The following BRPF1 variants were observed in gnomAD, a reference collection of about 807,000 sequenced individuals.
BRPF1 encodes the protein bromodomain and PHD finger containing 1.
BRPF1 carries 15 observed loss-of-function variants against 115.0 expected under a neutral mutation model. The ratio of observed to expected loss-of-function variants is 0.13; its 90% confidence interval spans 0.09 to 0.20. The LOEUF (loss-of-function observed/expected upper bound fraction) is 0.20. Ranked by LOEUF, BRPF1 falls within the 10% of genes least tolerant of loss-of-function variation. BRPF1 has a pLI of 1.00. For missense variants in BRPF1, 1,118 were observed against 1,638.3 expected (o/e 0.68, Z 5.48); for synonymous variants, 647 against 619.8 (o/e 1.04, Z -0.65).
chr3:9,746,404 A>G lies in BRPF1; in HGVS notation c.3429A>G (p.Glu1143=), dbSNP rs200135050. 3 of 1,608,994 alleles carry G rather than the reference A, an allele frequency of 1.9e-6. No individual in the cohort carries two copies. The highest frequency in any genetic ancestry group is 4.5e-5 in the East Asian group (2 of 44,640). The part of the protein sequence containing the change: ...VLKLGEQMTQ[E]AREHLYLVLF... ...AACTTGGGGAGCAGATGACCCAGGA[A>G]GCCCGAGAGCATCTCTACCTCGTCC... The change falls in exon 13 of 14, where the codon GAA becomes GAG. Residue 1143 remains glutamate (E), a synonymous_variant. Transcript: ENST00000383829.
chr3:9,742,061 A>G lies in BRPF1; in HGVS notation c.1891A>G (p.Thr631Ala). 6.2e-7 allele frequency: 1 copy of G among 1,613,828 alleles called. No individual in the cohort carries two copies. The highest frequency in any genetic ancestry group is 8.5e-7 in the Non-Finnish European group (1 of 1,179,968). ...GCAGATTGCCATGGAGATGCAGCTG[A>G]CTCCTTTCCTCATCCTCCTTCGCAA... The part of the protein sequence containing the change: ...VQQIAMEMQL[T>A]PFLILLRKTL... The change falls in exon 6 of 14, where the codon ACT becomes GCT. Residue 631 changes from threonine (T) to alanine (A), a missense_variant. Coordinates refer to ENST00000383829, the MANE Select transcript of BRPF1 (RefSeq NM_001003694.2).
chr3:9,735,467 C>A (rs1167450847), intron 2 of BRPF1, among the ~76,000 whole-genome samples: 1 of 152,182 alleles, frequency 6.6e-6, no homozygotes, highest in Non-Finnish European at 1.5e-5. Context: ...TTGGGAAATG[C>A]ATCCAAATTA....
chr3:9,742,009 C>T lies in BRPF1; in HGVS notation c.1855-16C>T. Reference sequence around the variant, plus strand: ...ACTGGCCGAGGCCTGGCTGATCAGGCCTTTTTCTATGTTAGATCAAGGTTC... The same window carrying T: ...ACTGGCCGAGGCCTGGCTGATCAGGTCTTTTTCTATGTTAGATCAAGGTTC... On this transcript the variant is annotated splice_polypyrimidine_tract_variant and intron_variant, in intron 5 of 13. Coordinates refer to ENST00000383829, the MANE Select transcript of BRPF1 (RefSeq NM_001003694.2). 6.2e-7 allele frequency: 1 copy of T among 1,613,892 alleles called. No individual in the cohort carries two copies.
chr3:9,743,250 G>A lies in BRPF1; in HGVS notation c.2308G>A (p.Asp770Asn), dbSNP rs769764853. 4 of 1,611,412 alleles carry A rather than the reference G, an allele frequency of 2.5e-6. No homozygotes were observed. The highest frequency in any genetic ancestry group is 1.7e-4 in the Middle Eastern group (1 of 5,742). The change falls in exon 7 of 14, where the codon GAT becomes AAT. Residue 770 changes from aspartate to asparagine, a missense_variant. By Grantham distance (23) the Asp-to-Asn change is conservative. Around this residue, in one of 10 missense-constraint regions of BRPF1, gnomAD observed 223 missense variants for 240.7 expected, o/e 0.93. Transcript: ENST00000383829. The surrounding 1 kb of genome is among the most constrained non-coding windows in gnomAD (Gnocchi z 6.1). The stretch of plus-strand genomic sequence containing the variant: ...AGATGAGGCCACACACCACACTGAA[G>A]ATGGTGGGTGATATATCACACACAC... ...AGDEATHHTE[D>N]AAEEERLVLL... is the part of the protein sequence containing the mutation.
chr3:9,734,573 A>T lies in BRPF1; in HGVS notation c.433A>T (p.Thr145Ser). 6.2e-7 allele frequency: 1 copy of T among 1,614,090 alleles called. No homozygotes were observed. Among genetic ancestry groups the T allele is most frequent in the Non-Finnish European group, 8.5e-7 (1 of 1,180,020 alleles). Residue 145 changes from threonine (T) to serine (S), a missense_variant, in exon 2 of 14, where the codon ACT (threonine) becomes TCT (serine). Transcript: ENST00000383829. This position sits in a 1 kb window ranked among gnomAD's most constrained non-coding sequence, Gnocchi z 5.7. ...NKENTETPAA[T>S]PKSGKHKNKE... The stretch of plus-strand genomic sequence containing the variant: ...GGAGAACACTGAGACACCAGCTGCT[A>T]CTCCCAAGTCAGGCAAACATAAGAA...
intron 2 of BRPF1, among the ~76,000 whole-genome samples, chr3:9,736,986 CGTGTGTCAT>C (rs1481612783): frequency 3.3e-5 from 5 of 152,238 alleles, no homozygotes; most frequent in Middle Eastern, 3.4e-3. Flanking sequence ...CATAATGTCA[CGTGTGTCAT>C]GGCAGAGAAA....
In BRPF1 at chr3:9,731,996, G is replaced by C. The variant is rs1393022666; in HGVS notation, c.-153G>C. On this transcript the variant is annotated 5_prime_UTR_variant, in exon 1 of 14. Transcript: ENST00000383829. ...GGGAGCCGGGACCAAAGCGTGGGGC[G>C]GCAGGGGGCCGGGGTGGCGAGGTCT... The C allele has an allele frequency of 6.6e-6, 1 of 152,454 alleles. No individual in the cohort carries two copies. The highest frequency in any genetic ancestry group is 2.1e-4 in the South Asian group (1 of 4,842). 9.4% of individuals were successfully genotyped at this position (152,454 alleles called of 1,614,324 possible).
intron 6 of BRPF1, among the ~76,000 whole-genome samples, chr3:9,742,697 C>CT (rs1239065891): frequency 6.6e-6 from 1 of 152,156 alleles, no homozygotes; most frequent in African/African-American, 2.4e-5. Flanking sequence ...TTTGGCTCTA[C>CT]TTTCATCATT....
chr3:9,745,260 T>A lies in BRPF1; in HGVS notation c.3068+105T>A. On this transcript the variant is annotated intron_variant, in intron 10 of 13. Transcript: ENST00000383829. The surrounding 1 kb of genome is among the most constrained non-coding windows in gnomAD (Gnocchi z 5.1). ...AAGTGGGGTGGCAGCCATCTCAGTCTAGATTAAGATGGCTCAAACTCAAGG... is the reference window on the plus strand; with the variant it reads ...AAGTGGGGTGGCAGCCATCTCAGTCAAGATTAAGATGGCTCAAACTCAAGG... The A allele has an allele frequency of 7.4e-7, 1 of 1,353,034 alleles. No individual in the cohort carries two copies. The allele number at this position is 1,353,034 out of a possible 1,614,324, so 83.8% of individuals were successfully genotyped here.
chr3:9,733,057 CT>C (rs2076881999), intron 1 of BRPF1: 1 of 152,230 alleles, frequency 6.6e-6, no homozygotes, highest in Non-Finnish European at 1.5e-5. Flanking sequence ...TGTTTGTACC[CT>C]TAGGGCCTGG....
intron 2 of BRPF1, among the ~76,000 whole-genome samples, chr3:9,735,526 G>A (rs923927766): frequency 6.6e-6 from 1 of 152,182 alleles, no homozygotes; most frequent in Non-Finnish European, 1.5e-5. Flanking sequence ...GTATTTCTCT[G>A]TCTCCCAAAA....
intron 3 of BRPF1, 28 bp from the exon 4 acceptor site, chr3:9,740,751 G>A: frequency 6.2e-7 from 1 of 1,611,010 alleles, no homozygotes; most frequent in Non-Finnish European, 8.5e-7. Flanking sequence ...GGCCCAACAA[G>A]TTTTACTCTT....
chr3:9,740,597 G>C (rs2077012773), intron 3 of BRPF1, among the ~76,000 whole-genome samples, 182 bp from the exon 4 acceptor site: 1 of 152,078 alleles, frequency 6.6e-6, no homozygotes, highest in African/African-American at 2.4e-5. Flanking sequence ...TTTCCTGTCT[G>C]CCACGGTACC....
Position 9,743,452 on chromosome 3 carries a change from C to T in BRPF1, c.2312-126C>T, listed in dbSNP as rs980909038. ...CCCGCCATTCCACATCTTGGTGCTG[C>T]TATTTTACAGCTGTTCCTGGTGAGA... is the stretch of plus-strand genomic sequence containing the variant. On this transcript the variant is annotated intron_variant, in intron 7 of 13. Coordinates refer to ENST00000383829, the MANE Select transcript of BRPF1 (RefSeq NM_001003694.2). The surrounding 1 kb of genome is among the most constrained non-coding windows in gnomAD (Gnocchi z 6.1). 3.2e-6 allele frequency: 4 copies of T among 1,261,970 alleles called. No homozygotes were observed. Among genetic ancestry groups the T allele is most frequent in the Non-Finnish European group, 4.4e-6 (4 of 907,980 alleles). The allele number at this position is 1,261,970 out of a possible 1,614,324, so 78.2% of individuals were successfully genotyped here.
rs762336566 is a variant in BRPF1, at chr3:9,734,118, C to T, written c.-10-13C>T. ...CATCCCCAGCCTTATGTTAACTGATCTGTGTATTCTAGATGTGACAGCATG... is the reference window on the plus strand; with the variant it reads ...CATCCCCAGCCTTATGTTAACTGATTTGTGTATTCTAGATGTGACAGCATG... On this transcript the variant is annotated splice_polypyrimidine_tract_variant and intron_variant, in intron 1 of 13. Coordinates refer to ENST00000383829, the MANE Select transcript of BRPF1 (RefSeq NM_001003694.2). This position sits in a 1 kb window ranked among gnomAD's most constrained non-coding sequence, Gnocchi z 5.7. The T allele has an allele frequency of 6.4e-7, 1 of 1,565,710 alleles. No individual in the cohort carries two copies. The highest frequency in any genetic ancestry group is 2.3e-5 in the East Asian group (1 of 44,324).
chr3:9,735,596 A>T (rs1477522372), intron 2 of BRPF1, among the ~76,000 whole-genome samples: 3 of 152,230 alleles, frequency 2.0e-5, no homozygotes, highest in African/African-American at 7.2e-5. Context: ...AAATCTGCAG[A>T]GGTAATTCTC....
rs949790461 is a variant in BRPF1, at chr3:9,740,784, G to A, written c.1565G>A (p.Ser522Asn). 6.2e-7 allele frequency: 1 copy of A among 1,613,946 alleles called. No individual in the cohort carries two copies. Among genetic ancestry groups the A allele is most frequent in the Non-Finnish European group, 8.5e-7 (1 of 1,179,854 alleles). The change falls in exon 4 of 14, where the codon AGT (serine) becomes AAT (asparagine). Residue 522 changes from serine (S) to asparagine (N), a missense_variant. Coordinates refer to ENST00000383829, the MANE Select transcript of BRPF1 (RefSeq NM_001003694.2). Reference protein sequence around the residue: ...SVPCIPPHRLSKITNRLTIQR... With the variant: ...SVPCIPPHRLNKITNRLTIQR... Reference sequence around the variant, plus strand: ...CTTTGTTTCCTGCCTCCCAGGCTTAGTAAAATCACCAACCGCCTGACCATC... The same window carrying A: ...CTTTGTTTCCTGCCTCCCAGGCTTAATAAAATCACCAACCGCCTGACCATC...
In BRPF1 at chr3:9,746,392, G is replaced by T. The variant is rs2077126430; in HGVS notation, c.3417G>T (p.Gln1139His). The T allele has an allele frequency of 6.2e-7, 1 of 1,609,732 alleles. No homozygotes were observed. The highest frequency in any genetic ancestry group is 8.5e-7 in the Non-Finnish European group (1 of 1,176,894). Residue 1139 changes from glutamine to histidine, a missense_variant, in exon 13 of 14, where the codon CAG becomes CAT. This residue lies in a region of BRPF1 where 76 missense variants were observed against 166.1 expected (regional missense o/e 0.46). Coordinates refer to ENST00000383829, the MANE Select transcript of BRPF1 (RefSeq NM_001003694.2). ...PPLEVLKLGE[Q>H]MTQEAREHLY... ...TGGAGGTGCTGAAACTTGGGGAGCA[G>T]ATGACCCAGGAAGCCCGAGAGCATC...
rs1269133533 is a variant in BRPF1, at chr3:9,745,532, T to C, written c.3069-41T>C. The C allele has an allele frequency of 1.2e-6, 2 of 1,604,902 alleles. No individual in the cohort carries two copies. Among genetic ancestry groups the C allele is most frequent in the Non-Finnish European group, 1.7e-6 (2 of 1,171,986 alleles). On this transcript the variant is annotated intron_variant, in intron 10 of 13. Coordinates refer to ENST00000383829, the MANE Select transcript of BRPF1 (RefSeq NM_001003694.2). The surrounding 1 kb of genome is among the most constrained non-coding windows in gnomAD (Gnocchi z 5.1). Reference sequence around the variant, plus strand: ...GCACATACCATGCTGTTCCCCATTCTTCCCCTCCTTTGAGCTGAGCTCCCA... The same window carrying C: ...GCACATACCATGCTGTTCCCCATTCCTCCCCTCCTTTGAGCTGAGCTCCCA...
Sources: gnomAD v4.1 joint callset for allele counts (sites outside exome capture counted in the v4.1 genomes callset) on GRCh38, gnomAD v4.1.1 for gene constraint, gnomAD v4.1.1 regional missense constraint, Gnocchi (gnomAD v3.1) non-coding constraint, MANE v1.5 for transcripts, NCBI Gene and HGNC (gene_info 2026-07-23, HGNC 2026-07-21) for gene names.